Variants in DNAH8 observed in about 807,000 individuals in gnomAD.
The protein encoded by DNAH8 is dynein axonemal heavy chain 8, also known as axonemal beta dynein heavy chain 8.
DNAH8 carries 382 observed loss-of-function variants against 562.1 expected under a neutral mutation model. That is an observed-to-expected ratio of 0.68 (90% CI 0.63 to 0.74). The LOEUF (loss-of-function observed/expected upper bound fraction) is 0.74, where lower values mean the gene tolerates loss of function less well. Among genes scored for constraint, DNAH8 ranks in the 30% least tolerant of loss-of-function variants. The probability of loss-of-function intolerance (pLI) is 0.00; values close to 1 mark genes in which losing one functional copy is unlikely to be tolerated. For synonymous variants in DNAH8, 1,881 were observed against 1,919.4 expected (o/e 0.98, Z 0.52); for missense variants, 5,203 against 5,620.4 (o/e 0.93, Z 2.37).
intron 8 of DNAH8, among the ~76,000 whole-genome samples, chr6:38,744,804 C>T (rs1453134569): frequency 6.6e-6 from 1 of 151,968 alleles, no homozygotes; most frequent in African/African-American, 2.4e-5. Flanking sequence ...TACTGTGTTG[C>T]CCAGGCTGGT....
intron 85 of DNAH8, among the ~76,000 whole-genome samples, chr6:38,981,028 AGT>A (rs368543739): frequency 0.057 from 8,279 of 145,596 alleles, 258 homozygotes; most frequent in South Asian, 0.095. Flanking sequence ...TGAAAACGGC[AGT>A]GTGTGTGTGT....
intron 74 of DNAH8, among the ~76,000 whole-genome samples, chr6:38,927,856 A>G (rs917487089): frequency 2.0e-5 from 3 of 152,218 alleles, no homozygotes; most frequent in African/African-American, 7.2e-5. Flanking sequence ...TGGAAGGAAT[A>G]GAAATATGCC....
chr6:38,936,730 C>T lies in DNAH8; in HGVS notation c.11563+1033C>T, dbSNP rs78951851. On this transcript the variant is annotated intron_variant, in intron 77 of 92. Transcript: ENST00000327475. ...TAGCAAGCAGAGCTGAGGGCTGCTCCCCTAGTCTAGCCAAGAGTGTGCTGG... is the reference window on the plus strand; with the variant it reads ...TAGCAAGCAGAGCTGAGGGCTGCTCTCCTAGTCTAGCCAAGAGTGTGCTGG... 2.5e-3 allele frequency among the ~76,000 whole-genome samples: 373 copies of T among 152,242 alleles called. 6 individuals are homozygous for T. In the East Asian group the frequency reaches 0.043, roughly 18 times the overall value.
At chr6:38,781,954 A>G (rs886899135) in intron 16 of DNAH8, among the ~76,000 whole-genome samples, 4 of 152,166 alleles carry the variant, frequency 2.6e-5, no homozygotes, top group Admixed American at 2.6e-4. Flanking sequence ...TTTAAGAGAC[A>G]GAGTCACAAG....
At position 38,939,001 on chromosome 6, in the gene DNAH8, G is replaced by T; in HGVS notation, c.12007+13G>T. The T allele has an allele frequency of 6.2e-7, 1 of 1,606,460 alleles. No individual in the cohort carries two copies. The highest frequency in any genetic ancestry group is 1.1e-5 in the South Asian group (1 of 90,160). ...GCTCTCATTAAAGGTAAAGTGTGTG[G>T]GATACAGATGTGGTGTGTGGAGGAT... On this transcript the variant is annotated intron_variant, in intron 79 of 92. Coordinates refer to ENST00000327475, the MANE Select transcript of DNAH8 (RefSeq NM_001206927.2).
rs1260604935 is a variant in DNAH8, at chr6:38,842,879, C to T, written c.4821C>T (p.Leu1607=). Residue 1607 remains leucine (L), a synonymous_variant, in exon 35 of 93, where the codon CTC becomes CTT. Transcript: ENST00000327475. ...TTAGAAATATCATGGAAGCACCACT[C>T]CTTAAACATAAGGATGATATTGAGG... ...FCLRNIMEAP[L]LKHKDDIEDI... 4 of 1,613,466 alleles carry T rather than the reference C, an allele frequency of 2.5e-6. No individual in the cohort carries two copies. The African/African-American group carries it at 5.3e-5, about 22-fold the overall frequency.
Position 38,872,634 on chromosome 6 carries a change from A to G in DNAH8, c.7089A>G (p.Thr2363=), listed in dbSNP as rs752652240. 1 of 1,614,156 alleles carries G rather than the reference A, an allele frequency of 6.2e-7. No individual in the cohort carries two copies. Among genetic ancestry groups the G allele is most frequent in the Non-Finnish European group, 8.5e-7 (1 of 1,179,978 alleles). Residue 2363 remains threonine, a synonymous_variant, in exon 50 of 93, where the codon ACA becomes ACG. Coordinates refer to ENST00000327475, the MANE Select transcript of DNAH8 (RefSeq NM_001206927.2). The part of the protein sequence containing the change: ...TVITILMKAQ[T]ECGRPHREMR... ...TCACGATTCTAATGAAGGCGCAAACAGAATGCGGAAGGCCTCATAGAGAAA... is the reference window on the plus strand; with the variant it reads ...TCACGATTCTAATGAAGGCGCAAACGGAATGCGGAAGGCCTCATAGAGAAA...
At chr6:38,848,844 A>G (rs752200176) in intron 37 of DNAH8, 43 bp downstream of exon 37, 9 of 1,585,458 alleles carry the variant, frequency 5.7e-6, no homozygotes, top group Non-Finnish European at 7.8e-6. Flanking sequence ...AATTTGGTGT[A>G]TGTTGTCTAT....
At chr6:38,769,103 T>G (rs1361653961) in intron 11 of DNAH8, among the ~76,000 whole-genome samples, 1 of 152,224 alleles carries the variant, frequency 6.6e-6, no homozygotes, top group Non-Finnish European at 1.5e-5. Context: ...TGAAATGTTT[T>G]CAGGAAACTT....
intron 1 of DNAH8, among the ~76,000 whole-genome samples, chr6:38,716,351 C>T (rs1377269038): frequency 1.3e-5 from 2 of 152,062 alleles, no homozygotes; most frequent in East Asian, 1.9e-4. Context: ...CCTTCTCATT[C>T]CCCTCTAGCC....
At chr6:38,752,613 C>T (rs1258755253) in intron 9 of DNAH8, among the ~76,000 whole-genome samples, 1 of 111,424 alleles carries the variant, frequency 9.0e-6, no homozygotes, top group African/African-American at 3.6e-5. Context: ...GGTTTCATCC[C>T]AGAGGCAGGG....
intron 26 of DNAH8, among the ~76,000 whole-genome samples, chr6:38,822,037 G>A (rs546110818): frequency 5.1e-4 from 78 of 152,180 alleles, no homozygotes; most frequent in African/African-American, 1.8e-3. Context: ...TACACAGGCC[G>A]ATTCCTCCAC....
intron 11 of DNAH8, among the ~76,000 whole-genome samples, chr6:38,768,778 C>T (rs2127618978): frequency 6.6e-6 from 1 of 152,216 alleles, no homozygotes; most frequent in Admixed American, 6.5e-5. Context: ...TTTTCCTAAT[C>T]ATTCTTGCTC....
intron 91 of DNAH8, 147 bp from the exon 92 acceptor site, chr6:39,026,399 T>C: frequency 1.4e-6 from 1 of 702,426 alleles, no homozygotes; most frequent in Non-Finnish European, 2.3e-6. Context: ...CTGAGACAAA[T>C]GTCTCCCCTG....
Position 38,845,728 on chromosome 6 carries a change from T to G in DNAH8, c.5000T>G (p.Leu1667Trp), listed in dbSNP as rs1378332390. The G allele has an allele frequency of 6.2e-7, 1 of 1,613,876 alleles. No individual in the cohort carries two copies. The highest frequency in any genetic ancestry group is 2.2e-5 in the East Asian group (1 of 44,872). The part of the protein sequence containing the change: ...KGTESGEIIT[L>W]MEDSLMVLGS... Reference sequence around the variant, plus strand: ...ACCGAATCGGGAGAAATTATCACTTTGATGGAGGATAGTTTAATGGTCTTA... The same window carrying G: ...ACCGAATCGGGAGAAATTATCACTTGGATGGAGGATAGTTTAATGGTCTTA... The change falls in exon 36 of 93, where the codon TTG (leucine) becomes TGG (tryptophan). Residue 1667 changes from leucine to tryptophan, a missense_variant. Physicochemically the swap from Leu to Trp is moderately conservative, Grantham distance 61. This residue lies in a region of DNAH8 where 2,176 missense variants were observed against 2,365.1 expected (regional missense o/e 0.92). Coordinates refer to ENST00000327475, the MANE Select transcript of DNAH8 (RefSeq NM_001206927.2).
At position 38,838,022 on chromosome 6, in the gene DNAH8, T is replaced by G; in HGVS notation, c.4446T>G (p.Tyr1482Ter). The G allele has an allele frequency of 6.2e-7, 1 of 1,611,288 alleles. No homozygotes were observed. The highest frequency in any genetic ancestry group is 1.1e-5 in the South Asian group (1 of 90,596). The change falls in exon 33 of 93, where the codon TAT becomes TAG. Residue 1482 changes from tyrosine (Y) to a stop codon, truncating the protein, a stop_gained. Transcript: ENST00000327475. LOFTEE classifies it high-confidence loss of function. Reference protein sequence around the residue: ...EQLFGLPVTDYEVLHKTRKEL... With the variant: ...EQLFGLPVTD ...TTTTTGGATTGCCTGTGACTGATTA[T>G]GAGGTTTTACACAAAACCAGGTAAG...
At chr6:38,915,772 C>G (rs1781264427) in intron 68 of DNAH8, among the ~76,000 whole-genome samples, 1 of 152,132 alleles carries the variant, frequency 6.6e-6, no homozygotes, top group Admixed American at 6.5e-5. Flanking sequence ...ACATCCACAG[C>G]TGTGAGGCAA....
intron 41 of DNAH8, among the ~76,000 whole-genome samples, chr6:38,856,256 T>C (rs956215457): frequency 2.0e-5 from 3 of 152,220 alleles, no homozygotes; most frequent in South Asian, 2.1e-4. Context: ...TCGAGTAATA[T>C]TGATGAGAAT....
intron 18 of DNAH8, among the ~76,000 whole-genome samples, chr6:38,788,437 A>G (rs1678667): frequency 0.63 from 95,527 of 151,740 alleles, 30,896 homozygotes; most frequent in East Asian, 0.85. Flanking sequence ...GGCCTGAGCC[A>G]CTGCGCCCGG....
Sources: allele counts gnomAD v4.1 joint callset (sites outside exome capture counted in the v4.1 genomes callset), GRCh38; gene constraint gnomAD v4.1.1; regional missense constraint gnomAD v4.1.1; transcripts MANE v1.5; gene names NCBI Gene and HGNC (gene_info 2026-07-23, HGNC 2026-07-21).